Variants in LIG1 observed in about 807,000 individuals in gnomAD.
LIG1 encodes the protein DNA ligase 1.
LIG1 carries 70 observed loss-of-function variants against 115.7 expected under a neutral mutation model. That is an observed-to-expected ratio of 0.60 (90% confidence interval 0.50 to 0.74). The LOEUF is 0.74. Ranked by LOEUF, LIG1 falls within the 30% of genes least tolerant of loss-of-function variation. The pLI is 0.00. For missense variants in LIG1, 1,115 were observed against 1,225.6 expected (o/e 0.91, Z 1.35); for synonymous variants, 487 against 495.3 (o/e 0.98, Z 0.22).
chr19:48,159,634 G>A (rs746074934), intron 4 of LIG1, among the ~76,000 whole-genome samples: 1 of 152,214 alleles, frequency 6.6e-6, no homozygotes, highest in Admixed American at 6.5e-5. Flanking sequence ...AGTGGAAGAG[G>A]GTGGCAGGAG....
chr19:48,161,631 T>G, intron 3 of LIG1, 124 bp from the exon 4 acceptor site: 1 of 1,176,062 alleles, frequency 8.5e-7, no homozygotes, highest in South Asian at 1.3e-5. Context: ...CAATGAACAT[T>G]TTCTGGTTGT....
At chr19:48,133,637 C>T in intron 17 of LIG1, 1 of 358,524 alleles carries the variant, frequency 2.8e-6, no homozygotes. Context: ...CACTCTGTCG[C>T]CCAGCTGGAG....
intron 7 of LIG1, 57 bp from the exon 8 acceptor site, chr19:48,150,267 T>A (rs1445033110): frequency 1.2e-6 from 2 of 1,611,464 alleles, no homozygotes; most frequent in African/African-American, 2.7e-5. Context: ...GACTTTTTTT[T>A]TCTTTTTTTT....
At chr19:48,123,612 T>C in intron 21 of LIG1, 1 of 461,108 alleles carries the variant, frequency 2.2e-6, no homozygotes, top group South Asian at 2.3e-5. Flanking sequence ...TCTCATCAGT[T>C]TTGTTTTTTG....
chr19:48,152,697 A>T (rs1157174759), intron 6 of LIG1, among the ~76,000 whole-genome samples: 1 of 152,198 alleles, frequency 6.6e-6, no homozygotes, highest in Non-Finnish European at 1.5e-5. Context: ...GAGGTATTTC[A>T]GTTTTCAGTA....
In LIG1 at chr19:48,143,947, C is replaced by T; in HGVS notation, c.793G>A (p.Gly265Ser). 6.2e-7 allele frequency: 1 copy of T among 1,613,970 alleles called. No individual in the cohort carries two copies. Among genetic ancestry groups the T allele is most frequent in the Non-Finnish European group, 8.5e-7 (1 of 1,179,882 alleles). The change falls in exon 10 of 28, where the codon GGT becomes AGT. Residue 265 changes from glycine to serine, a missense_variant. Transcript: ENST00000263274. ...GAAEGPLDPSGYNPAKNNYHP... is the reference protein window; with the variant it reads ...GAAEGPLDPSSYNPAKNNYHP... ...TAGTTGTTCTTGGCAGGATTGTAAC[C>T]AGATGGATCCAGGGGTCTACGGAGG...
At chr19:48,145,850 A>G (rs2035077758) in intron 9 of LIG1, 1 of 152,266 alleles carries the variant, frequency 6.6e-6, no homozygotes, top group Non-Finnish European at 1.5e-5. Flanking sequence ...TCCTCAGAAG[A>G]GAGACACAGA....
intron 9 of LIG1, among the ~76,000 whole-genome samples, chr19:48,147,645 TA>T (rs11353435): frequency 0.63 from 94,231 of 148,906 alleles, 30,688 homozygotes; most frequent in East Asian, 0.86. Context: ...ACCCTGTCTT[TA>T]AAAAAAAAAA....
chr19:48,119,094 G>C (rs150969481), intron 25 of LIG1, 43 bp downstream of exon 25: 27 of 1,494,244 alleles, frequency 1.8e-5, no homozygotes, highest in Admixed American at 5.8e-5. Context: ...TCAGGGGCAG[G>C]GGGGAGAGGG....
intron 16 of LIG1, 83 bp downstream of exon 16, chr19:48,135,597 C>T: frequency 5.6e-6 from 6 of 1,073,588 alleles, no homozygotes; most frequent in South Asian, 1.2e-5. Flanking sequence ...TCACTGGCCC[C>T]ACCCACTGCT....
At position 48,115,514 on chromosome 19, in the gene LIG1, C is replaced by T; in HGVS notation, c.*135G>A. ...CCCAGACTCCGGAGTAAGCCACCCC[C>T]TCACACACACACCCCTCCCCTGACT... On this transcript the variant is annotated 3_prime_UTR_variant, in exon 28 of 28. Coordinates refer to ENST00000263274, the MANE Select transcript of LIG1 (RefSeq NM_000234.3). The T allele has an allele frequency of 1.4e-6, 1 of 702,964 alleles. No homozygotes were observed. Among genetic ancestry groups the T allele is most frequent in the South Asian group, 1.5e-5 (1 of 65,920 alleles). The allele number at this position is 702,964 out of a possible 1,614,324, so 43.5% of individuals were successfully genotyped here. A position where few individuals can be genotyped will look rare whatever the true frequency, so the allele number is the denominator to read the frequency against.
At chr19:48,135,647 CCCTGGCAACT>C in intron 16 of LIG1, 23 bp downstream of exon 16, 1 of 1,560,540 alleles carries the variant, frequency 6.4e-7, no homozygotes, top group Non-Finnish European at 8.8e-7. Flanking sequence ...TGCCCACAGC[CCCTGGCAACT>C]CCACCCACTG....
chr19:48,121,500 G>A (rs1383768898), intron 23 of LIG1, among the ~76,000 whole-genome samples, 178 bp from the exon 24 acceptor site: 1 of 152,140 alleles, frequency 6.6e-6, no homozygotes, highest in Non-Finnish European at 1.5e-5. Context: ...GGGTTTCTAG[G>A]TTTAAATAAG....
intron 1 of LIG1, among the ~76,000 whole-genome samples, chr19:48,168,985 G>A (rs1475346308): frequency 6.6e-6 from 1 of 152,094 alleles, no homozygotes; most frequent in Non-Finnish European, 1.5e-5. Flanking sequence ...AAAATGAAGA[G>A]ATAATGACAG....
intron 14 of LIG1, among the ~76,000 whole-genome samples, chr19:48,136,709 C>G (rs2034412797): frequency 6.6e-6 from 1 of 152,198 alleles, no homozygotes; most frequent in East Asian, 1.9e-4. Context: ...CAAACAAACC[C>G]TGGCTTCCTG....
intron 21 of LIG1, among the ~76,000 whole-genome samples, chr19:48,124,141 C>T (rs2033500351): frequency 6.6e-6 from 1 of 152,210 alleles, no homozygotes; most frequent in African/African-American, 2.4e-5. Flanking sequence ...GCCCTTTGCT[C>T]AGGGCTTCTC....
chr19:48,123,070 G>A lies in LIG1; in HGVS notation c.2150-54C>T, dbSNP rs577210969. ...GGGAAGCCCTGGCTCACAAGCGCCG[G>A]AGCAGGCAGGATTCTGGTCAAACGG... is the stretch of plus-strand genomic sequence containing the variant. On this transcript the variant is annotated intron_variant, in intron 22 of 27. Transcript: ENST00000263274. The A allele has an allele frequency of 6.2e-6, 10 of 1,611,582 alleles. No homozygotes were observed. The African/African-American group carries it at 1.3e-4, about 22-fold the overall frequency.
intron 9 of LIG1, chr19:48,145,910 G>C (rs1411623673): frequency 6.6e-6 from 1 of 152,184 alleles, no homozygotes; most frequent in Non-Finnish European, 1.5e-5. Flanking sequence ...GGTGGAGCTG[G>C]GATTCCTAGC....
chr19:48,118,807 A>G (rs2033058257), intron 25 of LIG1, among the ~76,000 whole-genome samples: 1 of 152,202 alleles, frequency 6.6e-6, no homozygotes, highest in Admixed American at 6.5e-5. Context: ...TGACCATGAC[A>G]ACATTCATTC....
Sources: allele counts gnomAD v4.1 joint callset (sites outside exome capture counted in the v4.1 genomes callset), GRCh38; gene constraint gnomAD v4.1.1; transcripts MANE v1.5; gene names NCBI Gene and HGNC (gene_info 2026-07-23, HGNC 2026-07-21).